The following S100A5 variants were observed in gnomAD, a reference collection of about 807,000 sequenced individuals.
S100A5 encodes the protein S100 calcium binding protein A5.
In S100A5, 5 loss-of-function variants were observed where a neutral mutation model predicts 6.7. The observed-to-expected ratio is 0.75, with a 90% CI of 0.39 to 1.57. The LOEUF (loss-of-function observed/expected upper bound fraction) is 1.57, where lower values mean the gene tolerates loss of function less well. S100A5 is among the 40% of genes most tolerant of loss of function. The pLI is 0.03. For synonymous variants in S100A5, 49 were observed against 44.9 expected, an observed-to-expected ratio of 1.09 and a Z score of -0.37; for missense variants, 129 against 110.8, an observed-to-expected ratio of 1.16 and a Z score of -0.74.
rs1404022660 is a variant in S100A5 at position 153,537,292 on chromosome 1, C to T, written c.*4G>A. 6.2e-7 allele frequency: 1 copy of T among 1,612,464 alleles called. No individual in the cohort carries two copies. Among genetic ancestry groups the T allele is most frequent in the Admixed American group, 1.7e-5 (1 of 59,958 alleles). On this transcript the variant is annotated 3_prime_UTR_variant, in exon 3 of 3. Transcript: ENST00000368717. ...TGGAGGGTGAGGGTGGAGGGCAGCCCTGGTCACTTGTTGTCCTCTAGAAAG... is the reference window on the plus strand; with the variant it reads ...TGGAGGGTGAGGGTGGAGGGCAGCCTTGGTCACTTGTTGTCCTCTAGAAAG...
chr1:153,538,634 G>T (rs1194859226), intron 2 of S100A5, among the ~76,000 whole-genome samples: 1 of 152,174 alleles, frequency 6.6e-6, no homozygotes, highest in African/African-American at 2.4e-5. Context: ...CCCTGCCCAT[G>T]TGGCACACTG....
At chr1:153,538,807 G>A (rs1665274505) in intron 2 of S100A5, among the ~76,000 whole-genome samples, 1 of 152,192 alleles carries the variant, frequency 6.6e-6, no homozygotes, top group Non-Finnish European at 1.5e-5. Context: ...GTTATTTGAT[G>A]TATTTGAGCA....
intron 2 of S100A5, among the ~76,000 whole-genome samples, chr1:153,538,983 A>G (rs984636872): frequency 6.6e-6 from 1 of 152,080 alleles, no homozygotes; most frequent in African/African-American, 2.4e-5. Context: ...TTTAAAAATT[A>G]TCTAAGCGTG....
Position 153,540,048 on chromosome 1 carries a change from A to C in S100A5, c.138+6T>G. ...TGGGGTGGAGGATGAGGGAACAATC[A>C]CCTACCTCCCCAAGACACAGCTCTT... On this transcript the variant is annotated splice_donor_region_variant and intron_variant, in intron 2 of 2. Transcript: ENST00000368717. 1 of 1,613,776 alleles carries C rather than the reference A, an allele frequency of 6.2e-7. No individual in the cohort carries two copies. The highest frequency in any genetic ancestry group is 8.5e-7 in the Non-Finnish European group (1 of 1,179,842).
chr1:153,537,266 G>A lies in S100A5; in HGVS notation c.*30C>T, dbSNP rs755953209. The A allele has an allele frequency of 3.7e-6, 6 of 1,603,868 alleles. No individual in the cohort carries two copies. Among genetic ancestry groups the A allele is most frequent in the Middle Eastern group, 1.7e-4 (1 of 6,014 alleles). On this transcript the variant is annotated 3_prime_UTR_variant, in exon 3 of 3. Transcript: ENST00000368717. ...GAGCAGCCGAGGTCAGCAGCAAAGG[G>A]TGGAGGGTGAGGGTGGAGGGCAGCC...
chr1:153,543,463 G>GCA, upstream of S100A5: 1 of 343,998 alleles, frequency 2.9e-6, no homozygotes, highest in Admixed American at 4.2e-5. Context: ...TATTGCCTGT[G>GCA]CACACACACT....
In S100A5 at chr1:153,537,328, A is replaced by G; in HGVS notation, c.247T>C (p.Tyr83His). The G allele has an allele frequency of 6.2e-7, 1 of 1,614,100 alleles. No homozygotes were observed. The highest frequency in any genetic ancestry group is 8.5e-7 in the Non-Finnish European group (1 of 1,179,944). The stretch of plus-strand genomic sequence containing the variant: ...TTGTCCTCTAGAAAGAAGTCGTTGT[A>G]GGCCATGCACAGCATGGTCAGGAAC... Reference protein sequence around the residue: ...SVFLTMLCMAYNDFFLEDNK With the variant: ...SVFLTMLCMAHNDFFLEDNK The change falls in exon 3 of 3, where the codon TAC becomes CAC. Residue 83 changes from tyrosine to histidine, a missense_variant. Physicochemically the swap from Tyr to His is moderately conservative, Grantham distance 83 (BLOSUM62 2). Coordinates refer to ENST00000368717, the MANE Select transcript of S100A5 (RefSeq NM_001394232.1).
At chr1:153,538,088 G>GCATT (rs1665245648) in intron 2 of S100A5, among the ~76,000 whole-genome samples, 1 of 152,008 alleles carries the variant, frequency 6.6e-6, no homozygotes, top group African/African-American at 2.4e-5. Flanking sequence ...GTGGCATTGA[G>GCATT]CATTATCCAA....
chr1:153,540,197 T>A lies in S100A5; in HGVS notation c.-6A>T. 2 of 1,614,100 alleles carry A rather than the reference T, an allele frequency of 1.2e-6. No individual in the cohort carries two copies. The highest frequency in any genetic ancestry group is 1.7e-6 in the Non-Finnish European group (2 of 1,179,970). On this transcript the variant is annotated 5_prime_UTR_variant, in exon 2 of 3. Coordinates refer to ENST00000368717, the MANE Select transcript of S100A5 (RefSeq NM_001394232.1). ...TTCTCCAGAGGAGTCTCCATCACAG[T>A]GTGCAGCTCTGTAGAGGGAGAGGGG...
chr1:153,539,084 C>T (rs923001290), intron 2 of S100A5, among the ~76,000 whole-genome samples: 2 of 152,036 alleles, frequency 1.3e-5, no homozygotes, highest in South Asian at 2.1e-4. Context: ...GAGCCATGAT[C>T]GCACCACTGC....
chr1:153,540,161 T>C lies in S100A5; in HGVS notation c.31A>G (p.Thr11Ala). 6.2e-7 allele frequency: 1 copy of C among 1,614,146 alleles called. No individual in the cohort carries two copies. Among genetic ancestry groups the C allele is most frequent in the Non-Finnish European group, 8.5e-7 (1 of 1,180,018 alleles). METPLEKALT[T>A]MVTTFHKYSG... is the part of the protein sequence containing the mutation. ...TATTTGTGAAACGTGGTCACCATAGTGGTCAGGGCCTTCTCCAGAGGAGTC... is the reference window on the plus strand; with the variant it reads ...TATTTGTGAAACGTGGTCACCATAGCGGTCAGGGCCTTCTCCAGAGGAGTC... Residue 11 changes from threonine to alanine, a missense_variant, in exon 2 of 3, where the codon ACT becomes GCT. Coordinates refer to ENST00000368717, the MANE Select transcript of S100A5 (RefSeq NM_001394232.1).
At chr1:153,540,473 A>G in intron 1 of S100A5, 148 bp downstream of exon 1, 1 of 293,946 alleles carries the variant, frequency 3.4e-6, no homozygotes, top group Non-Finnish European at 6.4e-6. Context: ...GGCCTGAGGC[A>G]GAAAGATGAG....
upstream of S100A5, among the ~76,000 whole-genome samples, chr1:153,542,620 T>A (rs1273265381): frequency 6.6e-6 from 1 of 152,092 alleles, no homozygotes; most frequent in Non-Finnish European, 1.5e-5. Flanking sequence ...GACAAAGCCC[T>A]CCAGCCTCTG....
chr1:153,541,144 C>T (rs112094994), upstream of S100A5, among the ~76,000 whole-genome samples: 1,115 of 152,264 alleles, frequency 7.3e-3, 14 homozygotes, highest in African/African-American at 0.025. Flanking sequence ...CAGCTGGGAC[C>T]ACAGTTGAAG....
rs201449181 is a variant in S100A5 at position 153,538,040 on chromosome 1, CCTT to C, written c.139-607_139-605del. Among the ~76,000 whole-genome samples, 441 of 151,226 alleles carry C rather than the reference CCTT, an allele frequency of 2.9e-3. 5 individuals are homozygous for C. The highest frequency in any genetic ancestry group is 0.022 in the Admixed American group (340 of 15,238). ...CAGCCTGGGCAACAAGAATGAAACTCCTTCTCAAAAAAAAAAAAAGAACACCTT... is the reference window on the plus strand; with the variant it reads ...CAGCCTGGGCAACAAGAATGAAACTCCTCAAAAAAAAAAAAAGAACACCTT... On this transcript the variant is annotated intron_variant, in intron 2 of 2. Coordinates refer to ENST00000368717, the MANE Select transcript of S100A5 (RefSeq NM_001394232.1).
chr1:153,542,418 G>C (rs1469921184), upstream of S100A5, among the ~76,000 whole-genome samples: 8 of 152,204 alleles, frequency 5.3e-5, no homozygotes, highest in Admixed American at 4.6e-4. Flanking sequence ...GCCCCAGGGA[G>C]GGCGCTCCCA....
rs151260352 is a variant in S100A5 at position 153,537,159 on chromosome 1, C to T, written c.*137G>A. Reference sequence around the variant, plus strand: ...TTCAAAACCAGACTCCCAGCACCTGCGATGGAAACTTTATTTCCTCCCATG... The same window carrying T: ...TTCAAAACCAGACTCCCAGCACCTGTGATGGAAACTTTATTTCCTCCCATG... On this transcript the variant is annotated 3_prime_UTR_variant, in exon 3 of 3. Transcript: ENST00000368717. The T allele has an allele frequency of 3.5e-4, 352 of 1,003,200 alleles. No individual in the cohort carries two copies. The highest frequency in any genetic ancestry group is 4.9e-4 in the Non-Finnish European group (336 of 682,644). The allele number at this position is 1,003,200 out of a possible 1,614,324, so 62.1% of individuals were successfully genotyped here.
In S100A5 at chr1:153,537,430, C is replaced by T; in HGVS notation, c.145G>A (p.Glu49Lys). Residue 49 changes from glutamate to lysine, a missense_variant, in exon 3 of 3, where the codon GAG becomes AAG. By Grantham distance (56) the Glu-to-Lys change is moderately conservative. Transcript: ENST00000368717. ...KKELCLGEMK[E>K]SSIDDLMKSL... is the part of the protein sequence containing the mutation. ...TTCATCAAGTCATCGATGCTGCTCT[C>T]CTTCATCTTTTGTGGACCCAGGTGG... The T allele has an allele frequency of 1.9e-6, 3 of 1,614,108 alleles. No homozygotes were observed. The highest frequency in any genetic ancestry group is 1.3e-5 in the African/African-American group (1 of 75,038).
At chr1:153,539,443 AAAAAAAAATATATAT>A (rs1340859204) in intron 2 of S100A5, among the ~76,000 whole-genome samples, 23 of 112,724 alleles carry the variant, frequency 2.0e-4, no homozygotes, top group African/African-American at 9.8e-4. Context: ...AAAAAAAAAA[AAAAAAAAATATATAT>A]ATATATATAT....
Sources: allele counts gnomAD v4.1 joint callset (sites outside exome capture counted in the v4.1 genomes callset), GRCh38; gene constraint gnomAD v4.1.1; transcripts MANE v1.5; gene names NCBI Gene and HGNC (gene_info 2026-07-23, HGNC 2026-07-21).